SLC39A11: variants seen among roughly 807,000 people sequenced by gnomAD.
The protein encoded by SLC39A11 is solute carrier family 39 member 11.
In SLC39A11, 33 loss-of-function variants were observed where a neutral mutation model predicts 36.1. The observed-to-expected ratio is 0.91, with a 90% CI of 0.69 to 1.22. The LOEUF (loss-of-function observed/expected upper bound fraction) is 1.22. Among genes scored for constraint, SLC39A11 ranks in the 50% most tolerant of loss-of-function variants. The pLI is 0.00. For synonymous variants in SLC39A11, 166 were observed against 170.3 expected (o/e 0.97, Z 0.20); for missense variants, 432 against 430.3 (o/e 1.00, Z -0.03).
intron 7 of SLC39A11, among the ~76,000 whole-genome samples, chr17:72,716,968 C>CAAAAAA (rs761854832): frequency 3.8e-4 from 34 of 90,472 alleles, no homozygotes; most frequent in African/African-American, 1.4e-3. Context: ...GACCCTGTCT[C>CAAAAAA]AAAAAAAAAA....
intron 6 of SLC39A11, among the ~76,000 whole-genome samples, chr17:72,773,545 T>C (rs1235634643): frequency 2.6e-5 from 4 of 152,090 alleles, no homozygotes; most frequent in Admixed American, 6.5e-5. Flanking sequence ...CCACATGGAA[T>C]TGTGAGTCCA....
chr17:72,976,706 CT>C (rs1385586139), intron 4 of SLC39A11, among the ~76,000 whole-genome samples: 1 of 152,082 alleles, frequency 6.6e-6, no homozygotes, highest in African/African-American at 2.4e-5. Context: ...AAAAATTAGC[CT>C]GGCATGGTGG....
chr17:73,030,668 G>A (rs187274662), intron 4 of SLC39A11, among the ~76,000 whole-genome samples: 1 of 152,340 alleles, frequency 6.6e-6, no homozygotes, highest in East Asian at 1.9e-4. Context: ...GTTCAGGGGT[G>A]CTTCTGCCAT....
In SLC39A11 at chr17:72,758,258, A is replaced by T. The variant is rs192470029; in HGVS notation, c.602-21539T>A. Among the ~76,000 whole-genome samples, 20 of 152,348 alleles carry T rather than the reference A, an allele frequency of 1.3e-4. No individual in the cohort carries two copies. In the East Asian group the frequency reaches 3.5e-3, roughly 26 times the overall value. On this transcript the variant is annotated intron_variant, in intron 6 of 9. Transcript: ENST00000255559. ...AATTAGTCAGTCAAAGATAATGATT[A>T]TAAGAAAGGTCTGGAAGACACAGTC...
In SLC39A11 at chr17:72,655,689, C is replaced by T. The variant is rs1008829209; in HGVS notation, c.672-6421G>A. On this transcript the variant is annotated intron_variant, in intron 7 of 9. Transcript: ENST00000255559. ...ACTGAATGCATCAGGAGCCTGCAACCGGGGTGCTTACTATATACAAGATCT... is the reference window on the plus strand; with the variant it reads ...ACTGAATGCATCAGGAGCCTGCAACTGGGGTGCTTACTATATACAAGATCT... Among the ~76,000 whole-genome samples the T allele has an allele frequency of 6.6e-5, 10 of 152,304 alleles. No individual in the cohort carries two copies. The East Asian group carries it at 9.7e-4, about 15-fold the overall frequency.
chr17:72,825,615 A>C (rs1256280193), intron 6 of SLC39A11, among the ~76,000 whole-genome samples: 1 of 152,240 alleles, frequency 6.6e-6, no homozygotes, highest in Non-Finnish European at 1.5e-5. Context: ...ATAGGCACTC[A>C]ACATGAGCCT....
chr17:72,874,309 C>CCAGAGT (rs1180359557), intron 5 of SLC39A11, among the ~76,000 whole-genome samples: 1 of 152,118 alleles, frequency 6.6e-6, no homozygotes, highest in East Asian at 1.9e-4. Flanking sequence ...AAGAGAAAAT[C>CCAGAGT]CAGAGTCCAC....
intron 5 of SLC39A11, among the ~76,000 whole-genome samples, chr17:72,877,838 C>A (rs898934412): frequency 6.7e-6 from 1 of 150,362 alleles, no homozygotes; most frequent in African/African-American, 2.4e-5. Context: ...TATTATTATA[C>A]TTTAAGTTTT....
chr17:72,678,640 G>A (rs578189132), intron 7 of SLC39A11, among the ~76,000 whole-genome samples: 2 of 152,048 alleles, frequency 1.3e-5, no homozygotes, highest in African/African-American at 2.4e-5. Flanking sequence ...AGGAGGCAAA[G>A]GTTGTAGTGA....
rs1017693821 is a variant in SLC39A11, at chr17:72,646,864, G to C, written c.*720C>G. ...AGGCCTCCGAACAAACCCACACTCT[G>C]TCTGTCTCTTCTTTCCACAGGGCTC... On this transcript the variant is annotated 3_prime_UTR_variant, in exon 10 of 10. Transcript: ENST00000255559. 5.3e-5 allele frequency: 8 copies of C among 149,878 alleles called. No individual in the cohort carries two copies. Among genetic ancestry groups the C allele is most frequent in the African/African-American group, 1.7e-4 (7 of 40,572 alleles). The allele number at this position is 149,878 out of a possible 1,614,324, so 9.3% of individuals were successfully genotyped here. A position where few individuals can be genotyped will look rare whatever the true frequency, so the allele number is the denominator to read the frequency against.
chr17:72,861,768 ATATATATATAT>A (rs1374289067), intron 5 of SLC39A11, among the ~76,000 whole-genome samples: 9 of 102,734 alleles, frequency 8.8e-5, no homozygotes, highest in Non-Finnish European at 1.3e-4. Flanking sequence ...ATATATATAT[ATATATATATAT>A]ATATCCAATG....
At position 73,004,227 on chromosome 17, in the gene SLC39A11, G is replaced by GAAAAGA. The variant is rs1203968791; in HGVS notation, c.306+27328_306+27329insTCTTTT. ...AGAAAGAAAGAAAGAAAGAAAGAAA[G>GAAAAGA]AAAGAAAAGAAAGAAAGAGAAAAAG... On this transcript the variant is annotated intron_variant, in intron 4 of 9. Coordinates refer to ENST00000255559, the MANE Select transcript of SLC39A11 (RefSeq NM_139177.4). 2.1e-4 allele frequency among the ~76,000 whole-genome samples: 19 copies of GAAAAGA among 92,502 alleles called. 2 individuals carry two copies. In the East Asian group the frequency reaches 2.9e-3, roughly 14 times the overall value. The allele number at this position is 92,502 out of a possible 152,430, so 60.7% of individuals were successfully genotyped here. A position where few individuals can be genotyped will look rare whatever the true frequency, so the allele number is the denominator to read the frequency against.
chr17:72,927,708 C>T (rs2084129414), intron 5 of SLC39A11, among the ~76,000 whole-genome samples: 1 of 151,966 alleles, frequency 6.6e-6, no homozygotes, highest in Admixed American at 6.6e-5. Flanking sequence ...CATAGAATTT[C>T]AGGAAAAAAG....
intron 3 of SLC39A11, among the ~76,000 whole-genome samples, chr17:73,075,261 A>G (rs772836971): frequency 6.6e-6 from 1 of 152,208 alleles, no homozygotes; most frequent in Non-Finnish European, 1.5e-5. Flanking sequence ...ATGCAGAAAC[A>G]AGAAGCTCTT....
intron 5 of SLC39A11, among the ~76,000 whole-genome samples, chr17:72,896,910 G>A (rs2082057119): frequency 6.6e-6 from 1 of 151,736 alleles, no homozygotes; most frequent in Non-Finnish European, 1.5e-5. Flanking sequence ...AAAATTAGCT[G>A]GGCGTGGTGG....
chr17:72,720,552 G>C (rs1341484913), intron 7 of SLC39A11, among the ~76,000 whole-genome samples: 4 of 152,162 alleles, frequency 2.6e-5, no homozygotes, highest in Admixed American at 1.3e-4. Flanking sequence ...CTGGACCTGA[G>C]TGGAAATAGA....
rs535181047 is a variant in SLC39A11 at position 73,048,162 on chromosome 17, T to A, written c.148-16448A>T. ...AGGTAGTGACCACAGCACCCAATAG[T>A]ACTTTTCCAAACCACATCCCCCTCC... On this transcript the variant is annotated intron_variant, in intron 3 of 9. Transcript: ENST00000255559. Among the ~76,000 whole-genome samples, 196 of 151,732 alleles carry A rather than the reference T, an allele frequency of 1.3e-3. 1 individual carries two copies. Among genetic ancestry groups the A allele is most frequent in the Middle Eastern group, 0.01 (3 of 294 alleles).
intron 4 of SLC39A11, 75 bp downstream of exon 4, chr17:73,031,481 T>G (rs1598932231): frequency 5.9e-5 from 90 of 1,522,890 alleles, no homozygotes. Flanking sequence ...GTATGTCAGG[T>G]TTGATCAGAA....
chr17:72,793,454 A>G (rs1324602448), intron 6 of SLC39A11, among the ~76,000 whole-genome samples: 6 of 152,160 alleles, frequency 3.9e-5, no homozygotes, highest in Non-Finnish European at 8.8e-5. Context: ...TATGTTTGAA[A>G]GGGAGAGATT....
Sources: gnomAD v4.1 joint callset for allele counts (sites outside exome capture counted in the v4.1 genomes callset) on GRCh38, gnomAD v4.1.1 for gene constraint, MANE v1.5 for transcripts, NCBI Gene and HGNC (gene_info 2026-07-23, HGNC 2026-07-21) for gene names.